Variants in CHRM3 observed in about 807,000 individuals in gnomAD.
CHRM3 encodes the protein cholinergic receptor muscarinic 3, also known as muscarinic acetylcholine receptor M3.
A neutral mutation model predicts 41.8 loss-of-function variants in CHRM3; 11 were observed. The ratio of observed to expected loss-of-function variants is 0.26; its 90% CI spans 0.17 to 0.44. CHRM3 has a LOEUF of 0.44. Ranked by LOEUF, CHRM3 falls within the 20% of genes least tolerant of loss-of-function variation. The pLI is 1.00. For synonymous variants in CHRM3, 297 were observed against 301.4 expected, an observed-to-expected ratio of 0.99 and a Z score of 0.15; for missense variants, 571 against 745.4, an observed-to-expected ratio of 0.77 and a Z score of 2.72.
chr1:239,463,159 C>T (rs1572387604), intron 1 of CHRM3, among the ~76,000 whole-genome samples: 1 of 152,044 alleles, frequency 6.6e-6, no homozygotes, highest in East Asian at 1.9e-4. Flanking sequence ...GCAGCTAGCA[C>T]AGAGTTTGGC....
At chr1:239,442,034 A>C (rs1159391195) in intron 1 of CHRM3, among the ~76,000 whole-genome samples, 1 of 152,226 alleles carries the variant, frequency 6.6e-6, no homozygotes, top group Non-Finnish European at 1.5e-5. Flanking sequence ...CTAATTTTCA[A>C]AATGTACATA....
At chr1:239,682,812 T>G (rs1334565558) in intron 5 of CHRM3, among the ~76,000 whole-genome samples, 1 of 152,330 alleles carries the variant, frequency 6.6e-6, no homozygotes, top group East Asian at 1.9e-4. Context: ...TAGCAAAATT[T>G]TTTTGTATCT....
intron 3 of CHRM3, among the ~76,000 whole-genome samples, chr1:239,629,813 T>G (rs930452614): frequency 4.6e-5 from 7 of 152,194 alleles, no homozygotes; most frequent in African/African-American, 9.6e-5. Context: ...CCTTCCATAA[T>G]TATTCTGTCT....
At chr1:239,429,340 C>T (rs1662642681) in intron 1 of CHRM3, among the ~76,000 whole-genome samples, 1 of 152,212 alleles carries the variant, frequency 6.6e-6, no homozygotes, top group Non-Finnish European at 1.5e-5. Context: ...TCCCTGAGTA[C>T]AAAGTTTAAG....
At chr1:239,420,919 C>G (rs1016049039) in intron 1 of CHRM3, among the ~76,000 whole-genome samples, 2 of 152,042 alleles carry the variant, frequency 1.3e-5, no homozygotes, top group African/African-American at 4.8e-5. Context: ...GTGTGCTGGT[C>G]ATTTCATAAC....
At chr1:239,482,886 C>T (rs77047706) in intron 1 of CHRM3, among the ~76,000 whole-genome samples, 4,590 of 152,156 alleles carry the variant, frequency 0.03, 177 homozygotes, top group African/African-American at 0.086. Flanking sequence ...AAACTAAATG[C>T]CTCGGAAATT....
intron 4 of CHRM3, among the ~76,000 whole-genome samples, chr1:239,674,023 G>A (rs937798134): frequency 7.2e-5 from 11 of 151,990 alleles, no homozygotes; most frequent in East Asian, 1.9e-4. Flanking sequence ...TGGATTTTTC[G>A]GTTAGGAATG....
At chr1:239,510,282 T>G (rs1668834684) in intron 2 of CHRM3, among the ~76,000 whole-genome samples, 1 of 152,218 alleles carries the variant, frequency 6.6e-6, no homozygotes, top group Admixed American at 6.5e-5. Flanking sequence ...GAAAAGAGTA[T>G]GTGTGGTAGT....
At chr1:239,704,555 G>A (rs953437224) in intron 5 of CHRM3, 2 of 152,154 alleles carry the variant, frequency 1.3e-5, no homozygotes, top group Non-Finnish European at 2.9e-5. Context: ...CAAGTAGGTA[G>A]ATCCCTCTTA....
At chr1:239,795,101 C>A (rs1291099257) in intron 5 of CHRM3, among the ~76,000 whole-genome samples, 1 of 152,032 alleles carries the variant, frequency 6.6e-6, no homozygotes, top group Admixed American at 6.6e-5. Context: ...AAATATTTTA[C>A]TTTTTATGTG....
chr1:239,787,775 T>A (rs1443643728), intron 5 of CHRM3, among the ~76,000 whole-genome samples: 3 of 152,212 alleles, frequency 2.0e-5, no homozygotes, highest in Non-Finnish European at 4.4e-5. Flanking sequence ...TAGGCAAGTG[T>A]CTTAACATAG....
intron 5 of CHRM3, among the ~76,000 whole-genome samples, chr1:239,776,807 C>A (rs998175179): frequency 1.3e-5 from 2 of 152,252 alleles, no homozygotes; most frequent in African/African-American, 4.8e-5. Flanking sequence ...GAAGGGGAAG[C>A]AAACATGTCC....
intron 6 of CHRM3, among the ~76,000 whole-genome samples, chr1:239,894,228 A>G (rs551032993): frequency 4.2e-4 from 64 of 152,334 alleles, no homozygotes; most frequent in African/African-American, 1.5e-3. Flanking sequence ...AGCTTTTGAT[A>G]TTGTCTTCAA....
chr1:239,501,475 C>A (rs1311140318), intron 2 of CHRM3, among the ~76,000 whole-genome samples: 1 of 152,188 alleles, frequency 6.6e-6, no homozygotes. Context: ...CCAAAAGGAA[C>A]TTTCAAAACA....
intron 2 of CHRM3, among the ~76,000 whole-genome samples, chr1:239,513,088 C>G (rs1029394315): frequency 6.6e-6 from 1 of 152,116 alleles, no homozygotes; most frequent in Non-Finnish European, 1.5e-5. Context: ...CCAGATTTTG[C>G]AAGTCGGTAT....
At chr1:239,683,242 T>A (rs1308960693) in intron 5 of CHRM3, among the ~76,000 whole-genome samples, 4 of 152,102 alleles carry the variant, frequency 2.6e-5, no homozygotes, top group Non-Finnish European at 5.9e-5. Context: ...ATAATTCACA[T>A]CCAATGCATT....
intron 4 of CHRM3, among the ~76,000 whole-genome samples, chr1:239,661,344 T>A (rs1673176346): frequency 6.6e-6 from 1 of 152,224 alleles, no homozygotes; most frequent in Admixed American, 6.5e-5. Flanking sequence ...TTAGGTAGTA[T>A]CTTTCAAATT....
chr1:239,546,336 T>C (rs931714522), intron 3 of CHRM3: 4 of 152,140 alleles, frequency 2.6e-5, no homozygotes, highest in African/African-American at 9.6e-5. Flanking sequence ...AAAGGAATCG[T>C]TTCTGCTTTA....
chr1:239,662,931 C>CTTCTTCTTCTTCT (rs1558431560), intron 4 of CHRM3, among the ~76,000 whole-genome samples: 2 of 144,052 alleles, frequency 1.4e-5, no homozygotes, highest in African/African-American at 5.2e-5. Context: ...TCTTCTTCTT[C>CTTCTTCTTCTTCT]TCCTCTTCTT....
Sources: allele counts gnomAD v4.1 joint callset (sites outside exome capture counted in the v4.1 genomes callset), GRCh38; gene constraint gnomAD v4.1.1; transcripts MANE v1.5; gene names NCBI Gene and HGNC (gene_info 2026-07-23, HGNC 2026-07-21).